The following SPINK13 variants were observed in gnomAD, a reference collection of about 807,000 sequenced individuals.
SPINK13 encodes serine peptidase inhibitor Kazal type 13.
A neutral mutation model predicts 11.0 loss-of-function variants in SPINK13; 11 were observed. The ratio of observed to expected loss-of-function variants is 1.00; its 90% CI spans 0.63 to 1.65. SPINK13 has a LOEUF of 1.65. Ranked by LOEUF, SPINK13 falls within the 40% of genes most tolerant of loss-of-function variation. The pLI, the probability that SPINK13 is intolerant of heterozygous loss-of-function variation, is 0.00. For synonymous variants in SPINK13, 31 were observed against 35.6 expected (o/e 0.87, Z 0.46); for missense variants, 113 against 117.7 (o/e 0.96, Z 0.19).
intron 3 of SPINK13, among the ~76,000 whole-genome samples, chr5:148,278,413 A>G (rs1323187090): frequency 6.6e-6 from 1 of 152,222 alleles, no homozygotes; most frequent in Non-Finnish European, 1.5e-5. Flanking sequence ...ATTTAGTGCT[A>G]TAAATTTCCC....
chr5:148,275,052 G>A (rs1054161239), intron 3 of SPINK13, among the ~76,000 whole-genome samples: 2 of 152,090 alleles, frequency 1.3e-5, no homozygotes, highest in Non-Finnish European at 2.9e-5. Context: ...TGCTACATAG[G>A]TATACATGTG....
intron 3 of SPINK13, among the ~76,000 whole-genome samples, chr5:148,279,538 A>C (rs1052795187): frequency 2.0e-5 from 3 of 152,106 alleles, no homozygotes; most frequent in Non-Finnish European, 4.4e-5. Context: ...TTCCCTTATG[A>C]AGCTTAGTTT....
At chr5:148,276,981 A>G (rs1480973160) in intron 3 of SPINK13, among the ~76,000 whole-genome samples, 1 of 152,144 alleles carries the variant, frequency 6.6e-6, no homozygotes, top group Non-Finnish European at 1.5e-5. Flanking sequence ...CTCCTTGAAG[A>G]GGTCCTTCAC....
In SPINK13 at chr5:148,286,126, G is replaced by T. The variant is rs949201285; in HGVS notation, c.*78G>T. ...AGTATTTCTTTTAGAGTGTGAGAATGTAAATTAAATAACATCCCTATGCTG... is the reference window on the plus strand; with the variant it reads ...AGTATTTCTTTTAGAGTGTGAGAATTTAAATTAAATAACATCCCTATGCTG... On this transcript the variant is annotated 3_prime_UTR_variant, in exon 5 of 5. Coordinates refer to ENST00000398450, the MANE Select transcript of SPINK13 (RefSeq NM_001040129.3). 2.0e-6 allele frequency: 2 copies of T among 975,842 alleles called. No individual in the cohort carries two copies. The highest frequency in any genetic ancestry group is 2.9e-6 in the Non-Finnish European group (2 of 685,274). The allele number at this position is 975,842 out of a possible 1,614,324, so 60.4% of individuals were successfully genotyped here.
intron 3 of SPINK13, among the ~76,000 whole-genome samples, chr5:148,278,716 C>T (rs148322215): frequency 5.3e-5 from 8 of 152,072 alleles, no homozygotes; most frequent in South Asian, 2.1e-4. Context: ...AGAATAAGTG[C>T]GATGTGGTGC....
At chr5:148,278,434 G>A (rs1392002729) in intron 3 of SPINK13, among the ~76,000 whole-genome samples, 1 of 152,148 alleles carries the variant, frequency 6.6e-6, no homozygotes, top group Non-Finnish European at 1.5e-5. Flanking sequence ...TCTGAACACT[G>A]CTTTAGCTGT....
intron 3 of SPINK13, among the ~76,000 whole-genome samples, chr5:148,276,298 A>G (rs1488035659): frequency 2.6e-5 from 4 of 152,162 alleles, no homozygotes; most frequent in Admixed American, 2.6e-4. Context: ...CTTTAGTTTA[A>G]TCAGATCCCA....
At chr5:148,274,296 C>A in intron 2 of SPINK13, 51 bp from the exon 3 acceptor site, 2 of 1,372,652 alleles carry the variant, frequency 1.5e-6, no homozygotes, top group South Asian at 1.2e-5. Flanking sequence ...GATGTTATAT[C>A]CCATGGAGAA....
intron 2 of SPINK13, among the ~76,000 whole-genome samples, chr5:148,270,541 G>A (rs762167523): frequency 6.6e-6 from 1 of 152,150 alleles, no homozygotes; most frequent in African/African-American, 2.4e-5. Flanking sequence ...TGTGATTGAT[G>A]TTGGGTTGAT....
At chr5:148,271,760 C>T (rs111541526) in intron 2 of SPINK13, among the ~76,000 whole-genome samples, 6,439 of 151,972 alleles carry the variant, frequency 0.042, 352 homozygotes, top group African/African-American at 0.12. Context: ...GAGTAGCTGG[C>T]ACTACAGGCG....
intron 2 of SPINK13, among the ~76,000 whole-genome samples, chr5:148,272,842 A>G (rs1174209370): frequency 6.6e-6 from 1 of 152,224 alleles, no homozygotes; most frequent in Non-Finnish European, 1.5e-5. Context: ...AAGACAAAAA[A>G]GTCATTTATA....
intron 4 of SPINK13, among the ~76,000 whole-genome samples, chr5:148,283,955 A>T (rs1206460620): frequency 6.6e-6 from 1 of 152,196 alleles, no homozygotes; most frequent in African/African-American, 2.4e-5. Context: ...TCCCACAAAG[A>T]TCATTCTAAG....
At chr5:148,271,548 A>G (rs1173342124) in intron 2 of SPINK13, among the ~76,000 whole-genome samples, 1 of 152,118 alleles carries the variant, frequency 6.6e-6, no homozygotes. Flanking sequence ...TATTTTTAAT[A>G]TAGTCTTTTA....
rs752222068 is a variant in SPINK13, at chr5:148,282,209, T to C, written c.214T>C (p.Cys72Arg). ...ASNGHTFQNECFFCVEQREFH... is the reference protein window; with the variant it reads ...ASNGHTFQNERFFCVEQREFH... ...AAATGGCCACACTTTCCAGAATGAG[T>C]GTTTCTTTTGTGTTGAACAGAGGTA... is the stretch of plus-strand genomic sequence containing the variant. Residue 72 changes from cysteine (C) to arginine (R), a missense_variant, in exon 4 of 5, where the codon TGT becomes CGT. Physicochemically the swap from Cys to Arg is radical, Grantham distance 180. Coordinates refer to ENST00000398450, the MANE Select transcript of SPINK13 (RefSeq NM_001040129.3). The C allele has an allele frequency of 2.7e-5, 44 of 1,614,092 alleles. No individual in the cohort carries two copies. Among genetic ancestry groups the C allele is most frequent in the Non-Finnish European group, 3.6e-5 (43 of 1,180,042 alleles).
chr5:148,270,982 C>T (rs1375563218), intron 2 of SPINK13: 2 of 152,198 alleles, frequency 1.3e-5, no homozygotes, highest in Non-Finnish European at 2.9e-5. Context: ...GACTTTAGGA[C>T]TTCTCACCTC....
intron 3 of SPINK13, among the ~76,000 whole-genome samples, chr5:148,279,733 T>C (rs1756485034): frequency 6.6e-6 from 1 of 152,196 alleles, no homozygotes; most frequent in Admixed American, 6.5e-5. Flanking sequence ...CATTTCAACC[T>C]TGGTGAAGCT....
In SPINK13 at chr5:148,282,134, C is replaced by G. The variant is rs749627138; in HGVS notation, c.139C>G (p.Pro47Ala). ...PRCKMYIPLD[P>A]DYNADCPNVT... Reference sequence around the variant, plus strand: ...ATGTAAAATGTATATCCCACTGGACCCTGATTACAATGCAGACTGCCCCAA... The same window carrying G: ...ATGTAAAATGTATATCCCACTGGACGCTGATTACAATGCAGACTGCCCCAA... Residue 47 changes from proline (P) to alanine (A), a missense_variant, in exon 4 of 5, where the codon CCT becomes GCT. Physicochemically the swap from Pro to Ala is conservative, Grantham distance 27. Transcript: ENST00000398450. The G allele has an allele frequency of 3.7e-6, 6 of 1,614,028 alleles. No homozygotes were observed. The highest frequency in any genetic ancestry group is 2.2e-5 in the East Asian group (1 of 44,876).
At chr5:148,283,193 A>G (rs1459525053) in intron 4 of SPINK13, among the ~76,000 whole-genome samples, 1 of 152,156 alleles carries the variant, frequency 6.6e-6, no homozygotes, top group African/African-American at 2.4e-5. Context: ...CTTGGTGTTC[A>G]GACTCTTTAA....
chr5:148,285,273 A>C (rs1756573678), intron 4 of SPINK13, among the ~76,000 whole-genome samples: 1 of 152,168 alleles, frequency 6.6e-6, no homozygotes, highest in Admixed American at 6.5e-5. Context: ...GCAATTCCTG[A>C]ACCAAATAAG....
Sources: allele counts gnomAD v4.1 joint callset (sites outside exome capture counted in the v4.1 genomes callset), GRCh38; gene constraint gnomAD v4.1.1; transcripts MANE v1.5; gene names NCBI Gene and HGNC (gene_info 2026-07-23, HGNC 2026-07-21).